SMOC1: variants seen among roughly 807,000 people sequenced by gnomAD.
SMOC1 encodes SPARC-related modular calcium-binding protein 1.
Under a neutral mutation model 56.3 loss-of-function variants are expected in SMOC1, and 22 were observed. The ratio of observed to expected loss-of-function variants is 0.39; its 90% confidence interval spans 0.28 to 0.56. The LOEUF is 0.56. Ranked by LOEUF, SMOC1 falls within the 20% of genes least tolerant of loss-of-function variation. SMOC1 has a pLI of 0.61. For synonymous variants in SMOC1, 193 were observed against 215.0 expected, an observed-to-expected ratio of 0.90 and a Z score of 0.89; for missense variants, 509 against 565.4, an observed-to-expected ratio of 0.90 and a Z score of 1.01.
At chr14:69,934,287 G>A (rs1355110676) in intron 1 of SMOC1, among the ~76,000 whole-genome samples, 1 of 152,150 alleles carries the variant, frequency 6.6e-6, no homozygotes, top group Non-Finnish European at 1.5e-5. Flanking sequence ...CCTGATTGAC[G>A]ACTGGGGTAT....
chr14:69,885,941 C>T lies in SMOC1; in HGVS notation c.99+6164C>T. ...TTTCAGCCGCTTATAGAGGATGGCT[C>T]TCTGCCGCTGCAACCTGATATAGCG... On this transcript the variant is annotated intron_variant, in intron 1 of 11. Coordinates refer to ENST00000361956, the MANE Select transcript of SMOC1 (RefSeq NM_001034852.3). The T allele has an allele frequency of 1.9e-6, 3 of 1,594,928 alleles. No individual in the cohort carries two copies. In the South Asian group the frequency reaches 3.3e-5, roughly 18 times the overall value.
At chr14:69,990,127 G>A (rs1328110296) in intron 5 of SMOC1, among the ~76,000 whole-genome samples, 1 of 152,150 alleles carries the variant, frequency 6.6e-6, no homozygotes, top group Non-Finnish European at 1.5e-5. Flanking sequence ...CTACATCTGG[G>A]AAATCTGTGG....
intron 1 of SMOC1, among the ~76,000 whole-genome samples, chr14:69,921,538 G>T (rs1032211127): frequency 2.0e-5 from 3 of 152,130 alleles, no homozygotes; most frequent in African/African-American, 7.2e-5. Flanking sequence ...GAGTCCTGGG[G>T]CTCTGGGTCC....
chr14:69,890,892 T>A (rs7158188), intron 1 of SMOC1, among the ~76,000 whole-genome samples: 1 of 152,182 alleles, frequency 6.6e-6, no homozygotes, highest in Non-Finnish European at 1.5e-5. Flanking sequence ...GAAATTCTAA[T>A]GTATATGGAG....
intron 1 of SMOC1, among the ~76,000 whole-genome samples, chr14:69,949,259 G>C (rs1249844604): frequency 6.6e-6 from 1 of 152,188 alleles, no homozygotes; most frequent in African/African-American, 2.4e-5. Flanking sequence ...ATGAGGAGTG[G>C]CCCCAGCGAT....
intron 1 of SMOC1, among the ~76,000 whole-genome samples, chr14:69,887,031 C>T (rs78671084): frequency 0.017 from 2,611 of 152,308 alleles, 26 homozygotes; most frequent in Non-Finnish European, 0.027. Flanking sequence ...AACTCATGTC[C>T]TGTGCAACTA....
chr14:70,027,480 G>A (rs1017849237), intron 11 of SMOC1, among the ~76,000 whole-genome samples: 1 of 152,194 alleles, frequency 6.6e-6, no homozygotes, highest in Non-Finnish European at 1.5e-5. Context: ...AGCAACCTGA[G>A]TGGGGAAGCC....
At chr14:70,006,455 A>G (rs1036701482) in intron 7 of SMOC1, among the ~76,000 whole-genome samples, 3 of 152,358 alleles carry the variant, frequency 2.0e-5, no homozygotes, top group Admixed American at 1.3e-4. Flanking sequence ...ACTGATTAGC[A>G]TATGCATGAC....
chr14:69,885,758 A>G, intron 1 of SMOC1: 1 of 1,502,744 alleles, frequency 6.7e-7, no homozygotes, highest in Non-Finnish European at 9.3e-7. Flanking sequence ...CTTCTTCGGG[A>G]CGTCCCCTTT....
intron 3 of SMOC1, among the ~76,000 whole-genome samples, chr14:69,975,208 T>C (rs1367097303): frequency 1.3e-5 from 2 of 152,064 alleles, no homozygotes; most frequent in African/African-American, 4.8e-5. Context: ...CCTGGTGTGG[T>C]GGTGCATGCT....
At chr14:69,948,674 C>CT (rs1231953831) in intron 1 of SMOC1, among the ~76,000 whole-genome samples, 1 of 152,210 alleles carries the variant, frequency 6.6e-6, no homozygotes, top group Non-Finnish European at 1.5e-5. Context: ...TCCTCTCCCT[C>CT]TTTTTTCTGT....
chr14:69,953,960 G>A (rs940014365), intron 3 of SMOC1, among the ~76,000 whole-genome samples: 4 of 152,228 alleles, frequency 2.6e-5, no homozygotes, highest in Admixed American at 1.3e-4. Context: ...GTCCTTGAAC[G>A]AAGCAGAGCC....
intron 1 of SMOC1, among the ~76,000 whole-genome samples, chr14:69,929,085 G>A (rs1275444559): frequency 1.3e-5 from 2 of 152,176 alleles, no homozygotes; most frequent in African/African-American, 4.8e-5. Flanking sequence ...AGCTGCATAG[G>A]AAGAGACCTT....
chr14:69,913,223 C>T (rs1884600657), intron 1 of SMOC1, among the ~76,000 whole-genome samples: 1 of 152,188 alleles, frequency 6.6e-6, no homozygotes, highest in Admixed American at 6.5e-5. Flanking sequence ...TCTCTTTCCG[C>T]TCTGCTAGAC....
chr14:69,925,819 T>C (rs1392564551), intron 1 of SMOC1, among the ~76,000 whole-genome samples: 3 of 152,218 alleles, frequency 2.0e-5, no homozygotes, highest in Non-Finnish European at 4.4e-5. Context: ...TTAGAGGTTG[T>C]TCTTTTTCCA....
At chr14:69,902,984 G>A (rs1468464326) in intron 1 of SMOC1, among the ~76,000 whole-genome samples, 3 of 152,158 alleles carry the variant, frequency 2.0e-5, no homozygotes, top group Non-Finnish European at 4.4e-5. Context: ...CCACCTCCCA[G>A]CCGCCTGCCT....
At chr14:69,990,629 T>TA (rs1006409122) in intron 5 of SMOC1, among the ~76,000 whole-genome samples, 1 of 152,102 alleles carries the variant, frequency 6.6e-6, no homozygotes, top group Non-Finnish European at 1.5e-5. Context: ...GTGATGCTAT[T>TA]AAAAAAATGA....
chr14:69,991,795 T>C (rs563439453), intron 5 of SMOC1, among the ~76,000 whole-genome samples: 135 of 152,336 alleles, frequency 8.9e-4, no homozygotes, highest in Non-Finnish European at 1.6e-3. Flanking sequence ...ATTTCACAGT[T>C]AGAAGCATTC....
chr14:69,887,835 G>GTT (rs1883851851), intron 1 of SMOC1, among the ~76,000 whole-genome samples: 1 of 152,202 alleles, frequency 6.6e-6, no homozygotes, highest in African/African-American at 2.4e-5. Flanking sequence ...TGATGCATGG[G>GTT]TCAGAAACTT....
Sources: allele counts gnomAD v4.1 joint callset (sites outside exome capture counted in the v4.1 genomes callset), GRCh38; gene constraint gnomAD v4.1.1; transcripts MANE v1.5; gene names NCBI Gene and HGNC (gene_info 2026-07-23, HGNC 2026-07-21).